The following FLNB variants were observed in gnomAD, a reference collection of about 807,000 sequenced individuals.
FLNB encodes filamin-B.
FLNB carries 111 observed loss-of-function variants against 250.6 expected under a neutral mutation model. The observed-to-expected ratio is 0.44, with a 90% CI of 0.38 to 0.52. FLNB has a LOEUF of 0.52. Ranked by LOEUF, FLNB falls within the 20% of genes least tolerant of loss-of-function variation. The pLI is 0.00. For synonymous variants in FLNB, 1,302 were observed against 1,372.1 expected, an observed-to-expected ratio of 0.95 and a Z score of 1.13; for missense variants, 2,869 against 3,447.8, an observed-to-expected ratio of 0.83 and a Z score of 4.20.
intron 34 of FLNB, among the ~76,000 whole-genome samples, chr3:58,147,300 A>T (rs1225038186): frequency 1.3e-5 from 2 of 152,266 alleles, no homozygotes; most frequent in Non-Finnish European, 2.9e-5. Context: ...GCAATAGTGC[A>T]TGAAGTGCAT....
At chr3:58,163,689 C>T (rs537572321) in intron 43 of FLNB, 47 of 307,728 alleles carry the variant, frequency 1.5e-4, no homozygotes, top group South Asian at 1.4e-3. Flanking sequence ...ATTCATGATG[C>T]GTCCAAGTGG....
chr3:58,094,019 A>G (rs1404680651), intron 4 of FLNB, among the ~76,000 whole-genome samples: 1 of 152,186 alleles, frequency 6.6e-6, no homozygotes, highest in African/African-American at 2.4e-5. Context: ...GCTAAAGGGA[A>G]TGTTCTCTAT....
In FLNB at chr3:58,170,928, G is replaced by C. The variant is rs2097381605; in HGVS notation, c.*166G>C. The C allele has an allele frequency of 3.5e-5, 23 of 650,590 alleles. No homozygotes were observed. The South Asian group carries it at 4.1e-4, about 12-fold the overall frequency. The allele number at this position is 650,590 out of a possible 1,614,324, so 40.3% of individuals were successfully genotyped here. A position where few individuals can be genotyped will look rare whatever the true frequency, so the allele number is the denominator to read the frequency against. On this transcript the variant is annotated 3_prime_UTR_variant, in exon 46 of 46. Coordinates refer to ENST00000295956, the MANE Select transcript of FLNB (RefSeq NM_001457.4). Reference sequence around the variant, plus strand: ...GAAATAAGTCCTAGACTGGACTCTTGAGGGACATATTGGAGAATCTTAAGA... The same window carrying C: ...GAAATAAGTCCTAGACTGGACTCTTCAGGGACATATTGGAGAATCTTAAGA...
At chr3:58,069,341 G>C (rs577203852) in intron 1 of FLNB, among the ~76,000 whole-genome samples, 37 of 147,766 alleles carry the variant, frequency 2.5e-4, no homozygotes, top group Admixed American at 9.6e-4. Flanking sequence ...CCAGGTTCAA[G>C]TGATTCTTGT....
chr3:58,130,496 G>A (rs914871436), intron 24 of FLNB, among the ~76,000 whole-genome samples: 8 of 152,128 alleles, frequency 5.3e-5, no homozygotes, highest in African/African-American at 1.9e-4. Flanking sequence ...GCAGTTGTGG[G>A]TTCCTGGGGG....
intron 4 of FLNB, 133 bp downstream of exon 4, chr3:58,081,909 T>C: frequency 1.1e-6 from 1 of 928,592 alleles, no homozygotes; most frequent in Non-Finnish European, 1.8e-6. Flanking sequence ...CCAAGCCTCC[T>C]TTGTAACACA....
At chr3:58,043,571 G>A (rs2097149304) in intron 1 of FLNB, among the ~76,000 whole-genome samples, 1 of 152,072 alleles carries the variant, frequency 6.6e-6, no homozygotes, top group South Asian at 2.1e-4. Flanking sequence ...AGTTTCAAAC[G>A]GGTCTTCAGG....
intron 4 of FLNB, among the ~76,000 whole-genome samples, chr3:58,082,214 T>G (rs1026124981): frequency 6.6e-6 from 1 of 152,170 alleles, no homozygotes; most frequent in African/African-American, 2.4e-5. Context: ...TGGCAGATAC[T>G]TCCTTGCTAA....
At chr3:58,096,247 G>A in intron 6 of FLNB, 29 bp downstream of exon 6, 1 of 1,500,406 alleles carries the variant, frequency 6.7e-7, no homozygotes, top group Non-Finnish European at 9.3e-7. Flanking sequence ...GCTGTGGCTT[G>A]GGCTGCTCTG....
Position 58,109,584 on chromosome 3 carries a change from C to G in FLNB, c.2208C>G (p.Ile736Met). Residue 736 changes from isoleucine to methionine, a missense_variant, in exon 15 of 46, where the codon ATC (isoleucine) becomes ATG (methionine). Physicochemically the swap from Ile to Met is conservative, Grantham distance 10. This residue lies in a region of FLNB where 1,348 missense variants were observed against 1,466.7 expected (regional missense o/e 0.92). Coordinates refer to ENST00000295956, the MANE Select transcript of FLNB (RefSeq NM_001457.4). ...CTCCATGTCTTCTCTAGGTCAACAT[C>G]GGGCAAGGTAGCCATCCTCAGAAGG... Reference protein sequence around the residue: ...NIPHSPYRVNIGQGSHPQKVK... With the variant: ...NIPHSPYRVNMGQGSHPQKVK... 1 of 1,614,180 alleles carries G rather than the reference C, an allele frequency of 6.2e-7. No homozygotes were observed. The highest frequency in any genetic ancestry group is 8.5e-7 in the Non-Finnish European group (1 of 1,180,024).
At position 58,130,697 on chromosome 3, in the gene FLNB, C is replaced by T. The variant is rs760568953; in HGVS notation, c.4223-44C>T. ...ATTCTGGGTGTGCACAAGGTGGTCT[C>T]CAATTCCCAGCTTGTGCTCAGAATC... On this transcript the variant is annotated intron_variant, in intron 24 of 45. Coordinates refer to ENST00000295956, the MANE Select transcript of FLNB (RefSeq NM_001457.4). 3.3e-5 allele frequency: 53 copies of T among 1,597,016 alleles called. No individual in the cohort carries two copies. In the East Asian group the frequency reaches 1.2e-3, roughly 36 times the overall value.
Position 58,136,044 on chromosome 3 carries a change from C to A in FLNB, c.4737C>A (p.Thr1579=). 6.2e-7 allele frequency: 1 copy of A among 1,614,202 alleles called. No individual in the cohort carries two copies. Among genetic ancestry groups the A allele is most frequent in the Non-Finnish European group, 8.5e-7 (1 of 1,180,034 alleles). ...ATAAAGATGGCACGTATGCTGTCAC[C>A]TACATCCCCGACAAGACTGGGCGCT... ...HDNKDGTYAV[T]YIPDKTGRYM... is the part of the protein sequence containing the mutation. Residue 1579 remains threonine (T), a synonymous_variant, in exon 28 of 46, where the codon ACC becomes ACA. Transcript: ENST00000295956.
chr3:58,051,465 T>C (rs1046165305), intron 1 of FLNB, among the ~76,000 whole-genome samples: 1 of 152,198 alleles, frequency 6.6e-6, no homozygotes, highest in Non-Finnish European at 1.5e-5. Context: ...TCCCTTTCTT[T>C]GTATACTTTT....
At chr3:58,165,413 G>A (rs1281356760) in intron 43 of FLNB, 1 of 152,230 alleles carries the variant, frequency 6.6e-6, no homozygotes, top group Non-Finnish European at 1.5e-5. Context: ...TCACAGGGAA[G>A]GCGCCTTGTT....
chr3:58,048,923 G>T (rs1210437768), intron 1 of FLNB, among the ~76,000 whole-genome samples: 1 of 152,154 alleles, frequency 6.6e-6, no homozygotes, highest in Non-Finnish European at 1.5e-5. Flanking sequence ...ATTTCACTCT[G>T]TGTATGTTTT....
intron 1 of FLNB, among the ~76,000 whole-genome samples, chr3:58,076,736 C>A (rs2097202221): frequency 2.6e-5 from 4 of 151,878 alleles, no homozygotes; most frequent in African/African-American, 4.8e-5. Context: ...GCTGGGGTTA[C>A]AGGAGTGTGC....
chr3:58,097,930 T>A lies in FLNB; in HGVS notation c.1100T>A (p.Val367Glu), dbSNP rs1018372387. ...VTAKGPGLEA[V>E]GNIANKPTYF... ...GCAAAAGGTCCAGGGTTGGAAGCTG[T>A]AGGGAACATCGCCAATAAGCCCACC... Residue 367 changes from valine to glutamate, a missense_variant, in exon 7 of 46, where the codon GTA (valine) becomes GAA (glutamate). Val to Glu is a moderately radical substitution (Grantham distance 121). This residue lies in a region of FLNB where 1,348 missense variants were observed against 1,466.7 expected (regional missense o/e 0.92). Coordinates refer to ENST00000295956, the MANE Select transcript of FLNB (RefSeq NM_001457.4). 6.2e-7 allele frequency: 1 copy of A among 1,614,110 alleles called. No homozygotes were observed. The highest frequency in any genetic ancestry group is 8.5e-7 in the Non-Finnish European group (1 of 1,180,008).
At chr3:58,150,732 T>A (rs2097343451) in intron 38 of FLNB, 1 of 193,086 alleles carries the variant, frequency 5.2e-6, no homozygotes, top group South Asian at 1.0e-4. Flanking sequence ...AGTCAACAGG[T>A]CACACAGTCT....
intron 1 of FLNB, among the ~76,000 whole-genome samples, chr3:58,039,022 CTT>C (rs375425626): frequency 1.8e-4 from 25 of 137,990 alleles, no homozygotes; most frequent in Admixed American, 3.7e-4. Flanking sequence ...AAGTTAGTTC[CTT>C]TTTTTTTTTT....
Sources: gnomAD v4.1 joint callset for allele counts (sites outside exome capture counted in the v4.1 genomes callset) on GRCh38, gnomAD v4.1.1 for gene constraint, gnomAD v4.1.1 regional missense constraint, MANE v1.5 for transcripts, NCBI Gene and HGNC (gene_info 2026-07-23, HGNC 2026-07-21) for gene names.